ZFHX3: variants seen among roughly 807,000 people sequenced by gnomAD.
ZFHX3 encodes the protein zinc finger homeobox protein 3.
ZFHX3 carries 42 observed loss-of-function variants against 279.1 expected under a neutral mutation model. The observed-to-expected ratio is 0.15, with a 90% CI of 0.12 to 0.19. The LOEUF is 0.19. Ranked by LOEUF, ZFHX3 falls within the 10% of genes least tolerant of loss-of-function variation. The probability of loss-of-function intolerance (pLI) is 1.00; values close to 1 mark genes in which losing one functional copy is unlikely to be tolerated. For synonymous variants in ZFHX3, 2,293 were observed against 1,957.8 expected (o/e 1.17, Z -4.52); for missense variants, 4,981 against 4,754.0 (o/e 1.05, Z -1.40).
chr16:73,602,884 A>G lies in ZFHX3; in HGVS notation c.-1547+77296T>C, dbSNP rs868536980. Among the ~76,000 whole-genome samples, 3 of 150,900 alleles carry G rather than the reference A, an allele frequency of 2.0e-5. No individual in the cohort carries two copies. The South Asian group carries it at 6.3e-4, about 32-fold the overall frequency. ...ATTGCTTGAACCCGGTTTGCAGTGA[A>G]CCGAGATGGCTCCATTGCACTCCAG... On this transcript the variant is annotated intron_variant, in intron 2 of 17. Transcript: ENST00000641206.
rs771641283 is a variant in ZFHX3 at position 72,796,922 on chromosome 16, C to G, written c.5760G>C (p.Glu1920Asp). Reference protein sequence around the residue: ...PDALKAKEKKELAPGGGSEPS... With the variant: ...PDALKAKEKKDLAPGGGSEPS... ...GCTCAGAACCACCCCCTGGTGCCAA[C>G]TCTTTCTTCTCTTTGGCCTTCAAGG... is the stretch of plus-strand genomic sequence containing the variant. Residue 1920 changes from glutamate to aspartate, a missense_variant, in exon 9 of 10, where the codon GAG (glutamate) becomes GAC (aspartate). This residue lies in a region of ZFHX3 where 1,751 missense variants were observed against 1,770.0 expected (regional missense o/e 0.99). Coordinates refer to ENST00000268489, the MANE Select transcript of ZFHX3 (RefSeq NM_006885.4). 3.5e-5 allele frequency: 57 copies of G among 1,613,940 alleles called. No homozygotes were observed. The highest frequency in any genetic ancestry group is 4.7e-5 in the Non-Finnish European group (55 of 1,179,988).
At chr16:73,484,890 A>C (rs1026325134) in intron 2 of ZFHX3, among the ~76,000 whole-genome samples, 5 of 152,196 alleles carry the variant, frequency 3.3e-5, no homozygotes, top group Admixed American at 2.6e-4. Flanking sequence ...AAAACACAGA[A>C]AGGAATATAA....
chr16:73,673,871 A>G (rs1212868953), intron 2 of ZFHX3, among the ~76,000 whole-genome samples: 1 of 152,176 alleles, frequency 6.6e-6, no homozygotes, highest in Non-Finnish European at 1.5e-5. Context: ...GCACATCAAT[A>G]CACCCTCCAG....
chr16:73,736,105 C>G (rs1002720946), intron 1 of ZFHX3, among the ~76,000 whole-genome samples: 1 of 152,064 alleles, frequency 6.6e-6, no homozygotes, highest in South Asian at 2.1e-4. Flanking sequence ...AGCATGCCAT[C>G]TTTTCTTTCA....
chr16:73,590,480 C>A (rs1010958208), intron 2 of ZFHX3, among the ~76,000 whole-genome samples: 2 of 152,162 alleles, frequency 1.3e-5, no homozygotes, highest in African/African-American at 4.8e-5. Context: ...CCACTGGCTA[C>A]AAGTGGGTCA....
intron 1 of ZFHX3, among the ~76,000 whole-genome samples, chr16:73,022,363 G>A (rs561677787): frequency 1.3e-5 from 2 of 152,284 alleles, no homozygotes; most frequent in South Asian, 2.1e-4. Flanking sequence ...GTGAAAGGCA[G>A]GAGGGAGAGG....
intron 1 of ZFHX3, among the ~76,000 whole-genome samples, chr16:72,964,296 G>A (rs1961725215): frequency 6.6e-6 from 1 of 152,086 alleles, no homozygotes. Context: ...AAAAATTTGG[G>A]CAAAAACAGA....
chr16:73,410,392 G>T (rs143885754), intron 3 of ZFHX3, among the ~76,000 whole-genome samples: 5,760 of 152,196 alleles, frequency 0.038, 139 homozygotes, highest in Middle Eastern at 0.082. Context: ...CTCCAGCCTG[G>T]GCAACACAGA....
intron 1 of ZFHX3, among the ~76,000 whole-genome samples, chr16:73,889,664 A>T (rs1323759389): frequency 1.3e-5 from 2 of 152,166 alleles, no homozygotes; most frequent in South Asian, 2.1e-4. Flanking sequence ...AACATGCTTA[A>T]AACACCCACT....
intron 4 of ZFHX3, among the ~76,000 whole-genome samples, chr16:73,281,207 G>C (rs558087404): frequency 6.6e-6 from 1 of 152,224 alleles, no homozygotes; most frequent in East Asian, 1.9e-4. Context: ...ATTCTCAATA[G>C]CCAAGATATG....
At chr16:73,700,082 A>G (rs1242767793) in intron 1 of ZFHX3, among the ~76,000 whole-genome samples, 1 of 152,028 alleles carries the variant, frequency 6.6e-6, no homozygotes, top group East Asian at 1.9e-4. Context: ...AATTAGCTAG[A>G]CATTATAGCA....
intron 6 of ZFHX3, chr16:73,137,546 G>T (rs569354721): frequency 6.6e-6 from 1 of 152,014 alleles, no homozygotes; most frequent in African/African-American, 2.4e-5. Context: ...TGAGTGGCTC[G>T]TGGGACTTGC....
chr16:73,547,343 T>G (rs1030289784), intron 2 of ZFHX3, among the ~76,000 whole-genome samples: 5 of 152,172 alleles, frequency 3.3e-5, no homozygotes, highest in African/African-American at 1.2e-4. Flanking sequence ...TCAAAGCTAA[T>G]AAAAAGAAAG....
intron 4 of ZFHX3, among the ~76,000 whole-genome samples, chr16:73,275,454 C>G (rs1472560106): frequency 6.6e-6 from 1 of 152,136 alleles, no homozygotes; most frequent in Non-Finnish European, 1.5e-5. Flanking sequence ...GGTCGTCTTT[C>G]ACTAGGGGGT....
intron 3 of ZFHX3, among the ~76,000 whole-genome samples, chr16:73,371,799 G>A (rs1430792299): frequency 1.3e-5 from 2 of 152,196 alleles, no homozygotes; most frequent in Non-Finnish European, 2.9e-5. Context: ...GGGCCCTGAA[G>A]TCAATGTCAC....
In ZFHX3 at chr16:73,489,013, T is replaced by C. The variant is rs537460326; in HGVS notation, c.-1546-32755A>G. On this transcript the variant is annotated intron_variant, in intron 2 of 17. Coordinates refer to the ZFHX3 transcript ENST00000641206. ...AGTGTTTAGCATGGTATCAGATACATAGCAAACTCTTAAAGTTGCTATGAT... is the reference window on the plus strand; with the variant it reads ...AGTGTTTAGCATGGTATCAGATACACAGCAAACTCTTAAAGTTGCTATGAT... Among the ~76,000 whole-genome samples the C allele has an allele frequency of 3.9e-4, 59 of 152,350 alleles. 1 individual carries two copies. The highest frequency in any genetic ancestry group is 1.3e-3 in the African/African-American group (54 of 41,592).
At chr16:73,485,589 G>T (rs1597354274) in intron 2 of ZFHX3, among the ~76,000 whole-genome samples, 1 of 152,254 alleles carries the variant, frequency 6.6e-6, no homozygotes, top group African/African-American at 2.4e-5. Context: ...CCAGTACCCT[G>T]CTCGACCTTT....
intron 1 of ZFHX3, among the ~76,000 whole-genome samples, chr16:73,765,978 G>C (rs1043189492): frequency 6.6e-6 from 1 of 152,290 alleles, no homozygotes; most frequent in Non-Finnish European, 1.5e-5. Context: ...TTTCAATACA[G>C]TTTCAGGTTT....
At chr16:73,302,831 C>G (rs1597272660) in intron 4 of ZFHX3, among the ~76,000 whole-genome samples, 2 of 152,274 alleles carry the variant, frequency 1.3e-5, no homozygotes, top group East Asian at 3.9e-4. Context: ...TCCCTCAGGA[C>G]AGAGCTTGCA....
Sources: gnomAD v4.1 joint callset for allele counts (sites outside exome capture counted in the v4.1 genomes callset) on GRCh38, gnomAD v4.1.1 for gene constraint, gnomAD v4.1.1 regional missense constraint, MANE v1.5 for transcripts, NCBI Gene and HGNC (gene_info 2026-07-23, HGNC 2026-07-21) for gene names.